Variants in CEP290 observed in about 807,000 individuals in gnomAD.
CEP290 encodes centrosomal protein of 290 kDa.
A neutral mutation model predicts 344.9 loss-of-function variants in CEP290; 317 were observed. The observed-to-expected ratio is 0.92, with a 90% CI of 0.84 to 1.01. The LOEUF (loss-of-function observed/expected upper bound fraction) is 1.01, where lower values mean the gene tolerates loss of function less well. CEP290 is among the 50% of genes least tolerant of loss of function. The probability of loss-of-function intolerance (pLI) is 0.00; values close to 1 mark genes in which losing one functional copy is unlikely to be tolerated. For synonymous variants in CEP290, 932 were observed against 895.8 expected (o/e 1.04, Z -0.72); for missense variants, 2,754 against 2,761.4 (o/e 1.00, Z 0.06).
Position 88,087,788 on chromosome 12 carries a change from G to T in CEP290, c.4186C>A (p.Gln1396Lys). The T allele has an allele frequency of 7.1e-6, 8 of 1,124,378 alleles. No individual in the cohort carries two copies. Among genetic ancestry groups the T allele is most frequent in the Admixed American group, 4.1e-5 (1 of 24,530 alleles). 69.7% of individuals were successfully genotyped at this position (1,124,378 alleles called of 1,614,324 possible). A position where few individuals can be genotyped will look rare whatever the true frequency, so the allele number is the denominator to read the frequency against. The stretch of plus-strand genomic sequence containing the variant: ...TAAATATAAAATAAAACCTTGTTCT[G>T]TTGCACAATTTCTTCTTCAAGACTG... Reference protein sequence around the residue: ...ISSLEEEIVQQNKFHEERQMA... With the variant: ...ISSLEEEIVQKNKFHEERQMA... Residue 1396 changes from glutamine (Q) to lysine (K), a missense_variant, in exon 32 of 54, where the codon CAG becomes AAG. Gln to Lys is a moderately conservative substitution (Grantham distance 53, BLOSUM62 1). Coordinates refer to ENST00000552810, the MANE Select transcript of CEP290 (RefSeq NM_025114.4).
At position 88,089,140 on chromosome 12, in the gene CEP290, A is replaced by G. The variant is rs369567962; in HGVS notation, c.3921T>C (p.Ser1307=). The change falls in exon 31 of 54, where the codon TCT becomes TCC. Residue 1307 remains serine, a synonymous_variant. Coordinates refer to ENST00000552810, the MANE Select transcript of CEP290 (RefSeq NM_025114.4). The part of the protein sequence containing the change: ...KLKIMQEMKN[S]QQEHRNMENK... The stretch of plus-strand genomic sequence containing the variant: ...TCTCCATATTTCTATGTTCTTGTTG[A>G]GAATTTTTCATTTCTTGCATTATCT... 1 of 1,601,418 alleles carries G rather than the reference A, an allele frequency of 6.2e-7. No individual in the cohort carries two copies. The highest frequency in any genetic ancestry group is 8.5e-7 in the Non-Finnish European group (1 of 1,175,374).
In CEP290 at chr12:88,072,273, T is replaced by C. The variant is rs976283554; in HGVS notation, c.5710-347A>G. Among the ~76,000 whole-genome samples, 4 of 152,148 alleles carry C rather than the reference T, an allele frequency of 2.6e-5. No individual in the cohort carries two copies. In the East Asian group the frequency reaches 7.7e-4, roughly 29 times the overall value. On this transcript the variant is annotated intron_variant, in intron 41 of 53. Coordinates refer to ENST00000552810, the MANE Select transcript of CEP290 (RefSeq NM_025114.4). ...TATTATACAATATTTTTTAATAATT[T>C]TGTACATGAAACAAAGTTTTGACTG...
chr12:88,131,407 C>T (rs1240042750), intron 6 of CEP290, among the ~76,000 whole-genome samples, 189 bp from the exon 7 acceptor site: 2 of 151,838 alleles, frequency 1.3e-5, no homozygotes, highest in African/African-American at 4.8e-5. Context: ...GAATTACTGG[C>T]ATGCATTACC....
At position 88,059,948 on chromosome 12, in the gene CEP290, T is replaced by C. The variant is rs1319582077; in HGVS notation, c.6595A>G (p.Thr2199Ala). ...TCATTTTCAGCAATAATTTTTTCTGTGCCTTTGGTCTTGGATTCATAGTGC... is the reference window on the plus strand; with the variant it reads ...TCATTTTCAGCAATAATTTTTTCTGCGCCTTTGGTCTTGGATTCATAGTGC... ...SMHYESKTKG[T>A]EKIIAENERL... The change falls in exon 48 of 54, where the codon ACA (threonine) becomes GCA (alanine). Residue 2199 changes from threonine to alanine, a missense_variant. By Grantham distance (58) the Thr-to-Ala change is moderately conservative (BLOSUM62 0). Coordinates refer to ENST00000552810, the MANE Select transcript of CEP290 (RefSeq NM_025114.4). 1 of 1,593,094 alleles carries C rather than the reference T, an allele frequency of 6.3e-7. No homozygotes were observed. The highest frequency in any genetic ancestry group is 1.3e-5 in the African/African-American group (1 of 74,410).
chr12:88,117,160 A>G lies in CEP290; in HGVS notation c.1712-15T>C, dbSNP rs2039105187. The G allele has an allele frequency of 2.4e-6, 3 of 1,250,946 alleles. No homozygotes were observed. Among genetic ancestry groups the G allele is most frequent in the Non-Finnish European group, 3.4e-6 (3 of 893,334 alleles). 77.5% of individuals were successfully genotyped at this position (1,250,946 alleles called of 1,614,324 possible). Reference sequence around the variant, plus strand: ...AGTGGTTAATCCTATATATAAGAGAATTAACAAACTAAAAACATTAAAATA... The same window carrying G: ...AGTGGTTAATCCTATATATAAGAGAGTTAACAAACTAAAAACATTAAAATA... On this transcript the variant is annotated splice_polypyrimidine_tract_variant and intron_variant, in intron 17 of 53. Transcript: ENST00000552810.
chr12:88,115,332 A>G (rs1384684849), intron 18 of CEP290, 150 bp from the exon 19 acceptor site: 3 of 692,292 alleles, frequency 4.3e-6, no homozygotes, highest in Non-Finnish European at 7.0e-6. Context: ...TCATAAAAAT[A>G]AACTAAAATC....
chr12:88,090,947 C>G, intron 29 of CEP290, 108 bp from the exon 30 acceptor site: 1 of 599,586 alleles, frequency 1.7e-6, no homozygotes, highest in Non-Finnish European at 2.9e-6. Context: ...TTTTCAGCAT[C>G]TATCTCTTCT....
rs779666225 is a variant in CEP290, at chr12:88,109,076, C to T, written c.2473G>A (p.Glu825Lys). The change falls in exon 23 of 54, where the codon GAA becomes AAA. Residue 825 changes from glutamate (E) to lysine (K), a missense_variant. Coordinates refer to ENST00000552810, the MANE Select transcript of CEP290 (RefSeq NM_025114.4). ...TGCTAATACCTATACCTTAGGTATTCTTTATACAACAAACTTTGTTGATGA... is the reference window on the plus strand; with the variant it reads ...TGCTAATACCTATACCTTAGGTATTTTTTATACAACAAACTTTGTTGATGA... ...IRHQQSLLYK[E>K]YLSEKETWKT... The T allele has an allele frequency of 1.5e-5, 19 of 1,303,092 alleles. No individual in the cohort carries two copies. In the African/African-American group the frequency reaches 2.9e-4, roughly 20 times the overall value. 80.7% of individuals were successfully genotyped at this position (1,303,092 alleles called of 1,614,324 possible). A position where few individuals can be genotyped will look rare whatever the true frequency, so the allele number is the denominator to read the frequency against.
At chr12:88,063,855 A>G (rs894229001) in intron 45 of CEP290, 126 bp downstream of exon 45, 2 of 755,522 alleles carry the variant, frequency 2.6e-6, no homozygotes, top group Non-Finnish European at 4.1e-6. Flanking sequence ...TGTATAAAGT[A>G]TACCATCACC....
Position 88,083,112 on chromosome 12 carries a change from A to T in CEP290, c.4931T>A (p.Leu1644Gln), listed in dbSNP as rs763470977. Residue 1644 changes from leucine to glutamine, a missense_variant, in exon 37 of 54, where the codon CTA becomes CAA. Transcript: ENST00000552810. ...CTCCAAATCTTGTGATACTTTCTTT[A>T]GTTTGACCAAGAGTGAGGAAAGAGA... Reference protein sequence around the residue: ...DDSLSSLLVKLKKVSQDLERQ... With the variant: ...DDSLSSLLVKQKKVSQDLERQ... 2 of 1,542,332 alleles carry T rather than the reference A, an allele frequency of 1.3e-6. No individual in the cohort carries two copies. The highest frequency in any genetic ancestry group is 1.7e-6 in the Non-Finnish European group (2 of 1,142,914).
At chr12:88,115,074 A>G (rs751232312) in intron 19 of CEP290, 24 bp downstream of exon 19, 8 of 1,224,454 alleles carry the variant, frequency 6.5e-6, no homozygotes, top group African/African-American at 1.5e-5. Flanking sequence ...AAGAACAGAA[A>G]AGTAAAAGAT....
Position 88,139,168 on chromosome 12 carries a change from T to C in CEP290, c.274A>G (p.Met92Val), listed in dbSNP as rs951351175. ...KFENQLKTKV[M>V]KLENELEMAQ... The stretch of plus-strand genomic sequence containing the variant: ...ACCTCCAGTTCATTTTCCAGTTTCA[T>C]TACTTTAGTTTTTAATTGATTTTCT... The change falls in exon 5 of 54, where the codon ATG becomes GTG. Residue 92 changes from methionine to valine, a missense_variant. Transcript: ENST00000552810. 1.7e-6 allele frequency: 2 copies of C among 1,197,316 alleles called. No homozygotes were observed. Among genetic ancestry groups the C allele is most frequent in the Non-Finnish European group, 2.3e-6 (2 of 874,620 alleles). 74.2% of individuals were successfully genotyped at this position (1,197,316 alleles called of 1,614,324 possible).
intron 10 of CEP290, 36 bp downstream of exon 10, chr12:88,129,658 T>A: frequency 8.5e-7 from 1 of 1,182,858 alleles, no homozygotes; most frequent in South Asian, 1.5e-5. Flanking sequence ...TAATATGAAG[T>A]CTGAATAAAT....
Position 88,071,581 on chromosome 12 carries a change from C to A in CEP290, c.5856-132G>T, listed in dbSNP as rs2035379537. On this transcript the variant is annotated intron_variant, in intron 42 of 53. Transcript: ENST00000552810. ...GTCATAAGCTAATTTACAACGAGAT[C>A]ACAGGAAAATCCATCTATAATTGTT... is the stretch of plus-strand genomic sequence containing the variant. The A allele has an allele frequency of 3.4e-6, 3 of 887,592 alleles. No homozygotes were observed. In the African/African-American group the frequency reaches 5.2e-5, roughly 15 times the overall value. The allele number at this position is 887,592 out of a possible 1,614,324, so 55.0% of individuals were successfully genotyped here.
rs1288304491 is a variant in CEP290, at chr12:88,084,832, A to G, written c.4458T>C (p.Ser1486=). 6.4e-7 allele frequency: 1 copy of G among 1,573,242 alleles called. No homozygotes were observed. Among genetic ancestry groups the G allele is most frequent in the South Asian group, 1.2e-5 (1 of 82,732 alleles). The change falls in exon 35 of 54, where the codon TCT becomes TCC. Residue 1486 remains serine, a synonymous_variant. Coordinates refer to ENST00000552810, the MANE Select transcript of CEP290 (RefSeq NM_025114.4). ...TATTTTGTTCTGCTAACCTTAAAGC[A>G]GATTCTTTCTCTTTTAGTTTCTGCA... ...SLEEKLKEKE[S]ALRLAEQNIL... is the part of the protein sequence containing the mutation.
chr12:88,120,045 A>C, intron 15 of CEP290, 69 bp downstream of exon 15: 2 of 1,015,884 alleles, frequency 2.0e-6, no homozygotes, highest in East Asian at 6.0e-5. Flanking sequence ...ATAATAAACA[A>C]AATTTAAATT....
chr12:88,117,926 C>G (rs2039153987), intron 17 of CEP290, among the ~76,000 whole-genome samples: 1 of 152,016 alleles, frequency 6.6e-6, no homozygotes, highest in Non-Finnish European at 1.5e-5. Flanking sequence ...GTCTCAACTA[C>G]TCAGGAGGCT....
chr12:88,141,040 A>T lies in CEP290; in HGVS notation c.103-7T>A. 1 of 1,565,232 alleles carries T rather than the reference A, an allele frequency of 6.4e-7. No homozygotes were observed. The highest frequency in any genetic ancestry group is 8.6e-7 in the Non-Finnish European group (1 of 1,158,782). ...TTAGCTCATTTACTTCCACCTAAGT[A>T]AACAGAAAAGCAACTGTTTTATATT... On this transcript the variant is annotated splice_polypyrimidine_tract_variant and splice_region_variant and intron_variant, in intron 2 of 53. Transcript: ENST00000552810.
chr12:88,121,698 TA>T (rs1391724473), intron 13 of CEP290, among the ~76,000 whole-genome samples: 8 of 151,816 alleles, frequency 5.3e-5, no homozygotes, highest in Non-Finnish European at 1.0e-4. Flanking sequence ...TCCACATGGA[TA>T]TGAGGGTGGC....
Sources: gnomAD v4.1 joint callset for allele counts (sites outside exome capture counted in the v4.1 genomes callset) on GRCh38, gnomAD v4.1.1 for gene constraint, MANE v1.5 for transcripts, NCBI Gene and HGNC (gene_info 2026-07-23, HGNC 2026-07-21) for gene names.